SLC15A2: variants seen among roughly 807,000 people sequenced by gnomAD.
The protein encoded by SLC15A2 is solute carrier family 15 member 2, also known as kidney H(+)/peptide cotransporter.
SLC15A2 carries 77 observed loss-of-function variants against 95.5 expected under a neutral mutation model. The observed-to-expected ratio is 0.81, with a 90% CI of 0.67 to 0.97. SLC15A2 has a LOEUF of 0.97. SLC15A2 is among the 50% of genes least tolerant of loss of function. The pLI is 0.00. For synonymous variants in SLC15A2, 306 were observed against 306.9 expected, an observed-to-expected ratio of 1.00 and a Z score of 0.03; for missense variants, 893 against 874.4, an observed-to-expected ratio of 1.02 and a Z score of -0.27.
Position 121,926,435 on chromosome 3 carries a change from G to A in SLC15A2, c.1125-1323G>A, listed in dbSNP as rs117972740. 8.9e-4 allele frequency among the ~76,000 whole-genome samples: 136 copies of A among 152,258 alleles called. 2 individuals are homozygous for A. In the East Asian group the frequency reaches 0.025, roughly 28 times the overall value. On this transcript the variant is annotated intron_variant, in intron 13 of 21. Coordinates refer to ENST00000489711, the MANE Select transcript of SLC15A2 (RefSeq NM_021082.4). ...TGCTCCTGCTTTCACCATGTGACAT[G>A]TCTGTTTCTCCAGAGGGTACAAGCC...
chr3:121,903,847 C>A (rs1289302256), intron 3 of SLC15A2, among the ~76,000 whole-genome samples: 1 of 152,110 alleles, frequency 6.6e-6, no homozygotes, highest in African/African-American at 2.4e-5. Context: ...ATTTTTGCGT[C>A]CATATGAACT....
chr3:121,934,437 C>A (rs941416872), intron 19 of SLC15A2, among the ~76,000 whole-genome samples: 1 of 150,566 alleles, frequency 6.6e-6, no homozygotes, highest in Non-Finnish European at 1.5e-5. Context: ...CTTTTATTTC[C>A]TTGAGCAGTG....
intron 9 of SLC15A2, 49 bp from the exon 10 acceptor site, chr3:121,922,991 C>A: frequency 1.3e-6 from 2 of 1,589,530 alleles, no homozygotes; most frequent in Non-Finnish European, 1.7e-6. Context: ...GCAAGAAAGC[C>A]ATGTACAGAA....
intron 13 of SLC15A2, among the ~76,000 whole-genome samples, chr3:121,925,412 C>T (rs1383473421): frequency 2.0e-5 from 3 of 151,930 alleles, no homozygotes; most frequent in Non-Finnish European, 2.9e-5. Context: ...CTCCTGTTGT[C>T]CCTACAAAAC....
chr3:121,928,451 G>A lies in SLC15A2; in HGVS notation c.1237G>A (p.Glu413Lys), dbSNP rs745366911. The change falls in exon 15 of 22, where the codon GAG becomes AAG. Residue 413 changes from glutamate (E) to lysine (K), a missense_variant. Coordinates refer to ENST00000489711, the MANE Select transcript of SLC15A2 (RefSeq NM_021082.4). The part of the protein sequence containing the change: ...EMAPAQPGPQ[E>K]VFLQVLNLAD... The stretch of plus-strand genomic sequence containing the variant: ...GGCCCCAGCCCAGCCAGGTCCCCAG[G>A]AGGTTTTCCTACAAGTCTTGAATCT... 3 of 1,614,088 alleles carry A rather than the reference G, an allele frequency of 1.9e-6. No homozygotes were observed. The highest frequency in any genetic ancestry group is 2.5e-6 in the Non-Finnish European group (3 of 1,179,952).
Position 121,937,553 on chromosome 3 carries a change from G to A in SLC15A2, c.1762-1796G>A, listed in dbSNP as rs1318295801. On this transcript the variant is annotated intron_variant, in intron 19 of 21. Transcript: ENST00000489711. ...CTGATACCCTTTCTTCCAGTGGATCGCATCGGCTCCTGAGGCTTCTGCATT... is the reference window on the plus strand; with the variant it reads ...CTGATACCCTTTCTTCCAGTGGATCACATCGGCTCCTGAGGCTTCTGCATT... Among the ~76,000 whole-genome samples the A allele has an allele frequency of 1.3e-4, 20 of 150,836 alleles. No homozygotes were observed. In the South Asian group the frequency reaches 3.2e-3, roughly 24 times the overall value.
chr3:121,911,605 C>T lies in SLC15A2; in HGVS notation c.367C>T (p.Leu123Phe). 6.2e-7 allele frequency: 1 copy of T among 1,613,982 alleles called. No individual in the cohort carries two copies. The highest frequency in any genetic ancestry group is 8.5e-7 in the Non-Finnish European group (1 of 1,179,878). The part of the protein sequence containing the change: ...TIIYLSLVYV[L>F]GHVIKSLGAL... ...CATCTATCTCTCCTTGGTGTATGTG[C>T]TTGGCCATGTGATCAAGTCCTTGGG... Residue 123 changes from leucine (L) to phenylalanine (F), a missense_variant, in exon 4 of 22, where the codon CTT (leucine) becomes TTT (phenylalanine). Physicochemically the swap from Leu to Phe is conservative, Grantham distance 22. Coordinates refer to ENST00000489711, the MANE Select transcript of SLC15A2 (RefSeq NM_021082.4).
In SLC15A2 at chr3:121,927,892, T is replaced by C. The variant is rs1710152959; in HGVS notation, c.1206+53T>C. The C allele has an allele frequency of 1.8e-5, 25 of 1,371,044 alleles. No homozygotes were observed. The South Asian group carries it at 2.6e-4, about 14-fold the overall frequency. 84.9% of individuals were successfully genotyped at this position (1,371,044 alleles called of 1,614,324 possible). On this transcript the variant is annotated intron_variant, in intron 14 of 21. Coordinates refer to ENST00000489711, the MANE Select transcript of SLC15A2 (RefSeq NM_021082.4). Reference sequence around the variant, plus strand: ...GAGGGCAGGATCATATCTTTCTTATTTGCTCTTTTGACTTGTTCAGTCATG... The same window carrying C: ...GAGGGCAGGATCATATCTTTCTTATCTGCTCTTTTGACTTGTTCAGTCATG...
At chr3:121,930,621 A>G (rs1280954486) in intron 17 of SLC15A2, among the ~76,000 whole-genome samples, 2 of 152,174 alleles carry the variant, frequency 1.3e-5, no homozygotes, top group Non-Finnish European at 2.9e-5. Context: ...AAAGTTCAAG[A>G]AAAAGAAACT....
chr3:121,943,552 AGCACCTGCCT>A lies in SLC15A2; in HGVS notation c.*2546_*2555del, dbSNP rs1186746883. On this transcript the variant is annotated 3_prime_UTR_variant, in exon 22 of 22. Transcript: ENST00000489711. Reference sequence around the variant, plus strand: ...CCAAAGTAGTCTGACTGGAAGAACTAGCACCTGCCTTTCTTCAAACAATGCACTTCTGTTA... The same window carrying A: ...CCAAAGTAGTCTGACTGGAAGAACTATTCTTCAAACAATGCACTTCTGTTA... The A allele has an allele frequency of 6.6e-6, 1 of 152,244 alleles. No homozygotes were observed. Among genetic ancestry groups the A allele is most frequent in the Non-Finnish European group, 1.5e-5 (1 of 68,040 alleles). The allele number at this position is 152,244 out of a possible 1,614,324, so 9.4% of individuals were successfully genotyped here.
intron 2 of SLC15A2, among the ~76,000 whole-genome samples, chr3:121,896,919 AGGG>A (rs1177951796): frequency 9.8e-6 from 1 of 101,726 alleles, no homozygotes; most frequent in Admixed American, 9.8e-5. Flanking sequence ...AAAAAAAAAA[AGGG>A]GGGGGAGGGA....
chr3:121,901,831 G>A (rs781072359), intron 3 of SLC15A2, among the ~76,000 whole-genome samples: 1 of 143,616 alleles, frequency 7.0e-6, no homozygotes, highest in Non-Finnish European at 1.5e-5. Context: ...ATGTTTCTCT[G>A]CCTGAGTATG....
Position 121,911,476 on chromosome 3 carries a change from C to G in SLC15A2, c.336-98C>G, listed in dbSNP as rs1709765826. 4.1e-6 allele frequency: 3 copies of G among 738,406 alleles called. No homozygotes were observed. The Admixed American group carries it at 6.7e-5, about 16-fold the overall frequency. 45.7% of individuals were successfully genotyped at this position (738,406 alleles called of 1,614,324 possible). ...TTCCTCCTCCCTCCTCCTCCTCCTC[C>G]ATTTATCCCCACACTGAGAACAGTA... On this transcript the variant is annotated intron_variant, in intron 3 of 21. Transcript: ENST00000489711.
rs564727531 is a variant in SLC15A2, at chr3:121,943,171, CAGA to C, written c.*2169_*2171del. On this transcript the variant is annotated 3_prime_UTR_variant, in exon 22 of 22. Coordinates refer to ENST00000489711, the MANE Select transcript of SLC15A2 (RefSeq NM_021082.4). ...ATCCCAGCTACTCGGGAGGCTGAAGCAGAAGAATTGCTTGAACCCGGGAGGCAG... is the reference window on the plus strand; with the variant it reads ...ATCCCAGCTACTCGGGAGGCTGAAGCAGAATTGCTTGAACCCGGGAGGCAG... The C allele has an allele frequency of 3.1e-4, 47 of 152,164 alleles. No homozygotes were observed. Among genetic ancestry groups the C allele is most frequent in the African/African-American group, 8.5e-4 (35 of 41,420 alleles). The allele number at this position is 152,164 out of a possible 1,614,324, so 9.4% of individuals were successfully genotyped here.
At chr3:121,934,326 G>A (rs879526323) in intron 19 of SLC15A2, among the ~76,000 whole-genome samples, 4 of 152,070 alleles carry the variant, frequency 2.6e-5, no homozygotes, top group African/African-American at 9.7e-5. Context: ...TGATGGGGAT[G>A]GCATTGAATC....
chr3:121,897,365 C>G, intron 2 of SLC15A2, 23 bp from the exon 3 acceptor site: 1 of 1,611,692 alleles, frequency 6.2e-7, no homozygotes, highest in Non-Finnish European at 8.5e-7. Context: ...TCTCCCCACG[C>G]CTCCTTTTTT....
At chr3:121,905,808 G>T (rs183950203) in intron 3 of SLC15A2, among the ~76,000 whole-genome samples, 5 of 152,260 alleles carry the variant, frequency 3.3e-5, no homozygotes, top group Non-Finnish European at 7.4e-5. Context: ...GTGGTACTGA[G>T]AAGAATGTAT....
intron 7 of SLC15A2, among the ~76,000 whole-genome samples, chr3:121,920,923 G>C (rs1218763699): frequency 6.6e-6 from 1 of 152,186 alleles, no homozygotes; most frequent in Non-Finnish European, 1.5e-5. Context: ...TGGGAAATCC[G>C]TTAAGGAGGA....
chr3:121,932,515 G>A (rs1458939374), intron 19 of SLC15A2, among the ~76,000 whole-genome samples: 1 of 152,190 alleles, frequency 6.6e-6, no homozygotes, highest in Non-Finnish European at 1.5e-5. Flanking sequence ...TTGGGGATCA[G>A]TTAACTGTGA....
Sources: gnomAD v4.1 joint callset for allele counts (sites outside exome capture counted in the v4.1 genomes callset) on GRCh38, gnomAD v4.1.1 for gene constraint, MANE v1.5 for transcripts, NCBI Gene and HGNC (gene_info 2026-07-23, HGNC 2026-07-21) for gene names.